DSE: variants seen among roughly 807,000 people sequenced by gnomAD.
DSE encodes dermatan sulfate epimerase.
Under a neutral mutation model 84.4 loss-of-function variants are expected in DSE, and 36 were observed. That is an observed-to-expected ratio of 0.43 (90% CI 0.33 to 0.56). The LOEUF (loss-of-function observed/expected upper bound fraction) is 0.56, where lower values mean the gene tolerates loss of function less well. DSE is among the 20% of genes least tolerant of loss of function. The pLI, the probability that DSE is intolerant of heterozygous loss-of-function variation, is 0.06. For missense variants in DSE, 862 were observed against 1,169.6 expected, an observed-to-expected ratio of 0.74 and a Z score of 3.84; for synonymous variants, 410 against 430.1, an observed-to-expected ratio of 0.95 and a Z score of 0.58.
chr6:116,426,034 T>C (rs1279991573), intron 2 of DSE, among the ~76,000 whole-genome samples: 1 of 152,250 alleles, frequency 6.6e-6, no homozygotes, highest in East Asian at 1.9e-4. Context: ...TTTGCCACGC[T>C]TCCCACCATG....
chr6:116,276,163 T>TA (rs1412982846), intron 2 of DSE, among the ~76,000 whole-genome samples: 1 of 152,166 alleles, frequency 6.6e-6, no homozygotes, highest in African/African-American at 2.4e-5. Context: ...GCAGAGGAAT[T>TA]ACCAAGGGCA....
Position 116,435,770 on chromosome 6 carries a change from C to G in DSE, c.1302C>G (p.Asn434Lys). 6.2e-7 allele frequency: 1 copy of G among 1,614,012 alleles called. No homozygotes were observed. Reference protein sequence around the residue: ...GRAIYDIVHRNKYKDWIKGWR... With the variant: ...GRAIYDIVHRKKYKDWIKGWR... ...CAATATATGACATTGTCCACAGAAA[C>G]AAATACAAAGATTGGATCAAAGGAT... Residue 434 changes from asparagine (N) to lysine (K), a missense_variant, in exon 6 of 6, where the codon AAC (asparagine) becomes AAG (lysine). By Grantham distance (94) the Asn-to-Lys change is moderately conservative. Coordinates refer to ENST00000644252, the MANE Select transcript of DSE (RefSeq NM_013352.4).
At chr6:116,414,655 G>T (rs150777357) in intron 2 of DSE, among the ~76,000 whole-genome samples, 5,536 of 151,890 alleles carry the variant, frequency 0.036, 336 homozygotes, top group African/African-American at 0.13. Context: ...CAGGTGATCC[G>T]CCTGCCTCGG....
At chr6:116,317,529 A>T (rs1004187450) in intron 2 of DSE, among the ~76,000 whole-genome samples, 1 of 152,228 alleles carries the variant, frequency 6.6e-6, no homozygotes, top group Non-Finnish European at 1.5e-5. Context: ...TTTAGTAAGG[A>T]TGCTTAGTAA....
intron 1 of DSE, among the ~76,000 whole-genome samples, chr6:116,397,366 C>G (rs961543614): frequency 6.6e-6 from 1 of 151,838 alleles, no homozygotes; most frequent in Admixed American, 6.6e-5. Flanking sequence ...CCCACCACAC[C>G]TGGCTAATTT....
At chr6:116,393,630 G>T (rs757811174) in intron 1 of DSE, among the ~76,000 whole-genome samples, 7 of 152,182 alleles carry the variant, frequency 4.6e-5, no homozygotes, top group Non-Finnish European at 1.5e-5. Context: ...GAGAGTGGAC[G>T]TCAGTTGATC....
Position 116,276,677 on chromosome 6 carries a change from A to G in DSE, c.-54+17710A>G, listed in dbSNP as rs546520636. Reference sequence around the variant, plus strand: ...TCCATAATTTTTAATTAATATGAACAACTTCATTCAAGCATTACATTTATG... The same window carrying G: ...TCCATAATTTTTAATTAATATGAACGACTTCATTCAAGCATTACATTTATG... On this transcript the variant is annotated intron_variant, in intron 2 of 3. Coordinates refer to the DSE transcript ENST00000430252. The G allele has an allele frequency of 5.9e-5, 9 of 152,312 alleles. No individual in the cohort carries two copies. The East Asian group carries it at 1.7e-3, about 29-fold the overall frequency. 9.4% of individuals were successfully genotyped at this position (152,312 alleles called of 1,614,324 possible).
intron 1 of DSE, chr6:116,257,256 C>T (rs536798397): frequency 2.6e-5 from 4 of 152,260 alleles, no homozygotes; most frequent in South Asian, 2.1e-4. Context: ...TTCCCTATGC[C>T]TCAGAAGAAA....
At chr6:116,270,585 A>T (rs981096620) in intron 2 of DSE, among the ~76,000 whole-genome samples, 10 of 152,180 alleles carry the variant, frequency 6.6e-5, no homozygotes, top group African/African-American at 2.4e-4. Context: ...AAGTACAACT[A>T]AGCAATTTAA....
chr6:116,261,648 G>A (rs986513473), intron 2 of DSE, among the ~76,000 whole-genome samples: 1 of 152,150 alleles, frequency 6.6e-6, no homozygotes, highest in Non-Finnish European at 1.5e-5. Context: ...GAATAGGAGT[G>A]GAAAGAGCAG....
chr6:116,279,601 C>A, intron 2 of DSE: 1 of 1,602,168 alleles, frequency 6.2e-7, no homozygotes, highest in Non-Finnish European at 8.5e-7. Context: ...AGTACCGCCA[C>A]GGCCCGCGGC....
intron 2 of DSE, chr6:116,277,144 A>C (rs1191402925): frequency 6.6e-6 from 1 of 152,626 alleles, no homozygotes; most frequent in Non-Finnish European, 1.5e-5. Flanking sequence ...GTTTAGAATC[A>C]GAAAAAAAAA....
chr6:116,399,376 C>A lies in DSE; in HGVS notation c.126C>A (p.Ser42Arg), dbSNP rs764311973. 1 of 1,614,106 alleles carries A rather than the reference C, an allele frequency of 6.2e-7. No homozygotes were observed. The highest frequency in any genetic ancestry group is 8.5e-7 in the Non-Finnish European group (1 of 1,180,046). Residue 42 changes from serine to arginine, a missense_variant, in exon 2 of 6, where the codon AGC (serine) becomes AGA (arginine). Transcript: ENST00000644252. Reference protein sequence around the residue: ...MIPFTNANYDSHPMLYFSRAE... With the variant: ...MIPFTNANYDRHPMLYFSRAE... ...CCTTCACCAATGCCAACTACGACAG[C>A]CATCCCATGCTGTACTTCTCCAGGG...
intron 3 of DSE, among the ~76,000 whole-genome samples, chr6:116,428,724 A>G (rs1200288120): frequency 2.0e-5 from 3 of 152,250 alleles, no homozygotes; most frequent in South Asian, 2.1e-4. Flanking sequence ...GAAATAAAAG[A>G]TACCATGAAA....
chr6:116,389,683 A>G (rs1702362696), intron 1 of DSE, among the ~76,000 whole-genome samples: 1 of 152,122 alleles, frequency 6.6e-6, no homozygotes, highest in South Asian at 2.1e-4. Context: ...TGTTGGCTTC[A>G]TTATTTTTAT....
chr6:116,279,076 T>C lies in DSE; in HGVS notation c.-54+20109T>C, dbSNP rs368075293. 8.1e-6 allele frequency: 13 copies of C among 1,613,364 alleles called. No homozygotes were observed. In the African/African-American group the frequency reaches 1.3e-4, roughly 17 times the overall value. On this transcript the variant is annotated intron_variant, in intron 2 of 3. Transcript: ENST00000430252. The stretch of plus-strand genomic sequence containing the variant: ...CATCCGCCCAAACTTGTGCTCCAGC[T>C]GTTGGAAGGCCCTGTCGGCCTGAGC...
intron 2 of DSE, among the ~76,000 whole-genome samples, chr6:116,341,362 T>C (rs967400445): frequency 6.6e-6 from 1 of 152,192 alleles, no homozygotes; most frequent in Non-Finnish European, 1.5e-5. Flanking sequence ...GAGTTCTTTG[T>C]AGATTCTGGA....
At position 116,438,842 on chromosome 6, in the gene DSE, T is replaced by C. The variant is rs1022463325; in HGVS notation, c.*1497T>C. The C allele has an allele frequency of 2.0e-5, 3 of 152,224 alleles. No homozygotes were observed. Among genetic ancestry groups the C allele is most frequent in the African/African-American group, 7.2e-5 (3 of 41,466 alleles). The allele number at this position is 152,224 out of a possible 1,614,324, so 9.4% of individuals were successfully genotyped here. On this transcript the variant is annotated 3_prime_UTR_variant, in exon 6 of 6. Transcript: ENST00000644252. ...ACTTTTAAGTACCTTTCTGCAGTTC[T>C]AATTTGAACCTTCTTGCATAAAGAA...
chr6:116,301,543 A>G (rs1405169094), intron 2 of DSE, among the ~76,000 whole-genome samples: 1 of 152,148 alleles, frequency 6.6e-6, no homozygotes, highest in Admixed American at 6.5e-5. Context: ...CCTTCTCCAC[A>G]CTACAGCCAG....
Sources: allele counts gnomAD v4.1 joint callset (sites outside exome capture counted in the v4.1 genomes callset), GRCh38; gene constraint gnomAD v4.1.1; transcripts MANE v1.5; gene names NCBI Gene and HGNC (gene_info 2026-07-23, HGNC 2026-07-21).